Variants in ASGR1 observed in about 807,000 individuals in gnomAD.
ASGR1 encodes the protein C-type lectin domain family 4 member H1.
Under a neutral mutation model 33.1 loss-of-function variants are expected in ASGR1, and 35 were observed. The observed-to-expected ratio is 1.06, with a 90% CI of 0.81 to 1.40. The LOEUF is 1.40. Among genes scored for constraint, ASGR1 ranks in the 40% most tolerant of loss-of-function variants. The pLI, the probability that ASGR1 is intolerant of heterozygous loss-of-function variation, is 0.00. For missense variants in ASGR1, 396 were observed against 373.7 expected (o/e 1.06, Z -0.49); for synonymous variants, 142 against 152.5 (o/e 0.93, Z 0.51).
chr17:7,175,757 ACT>A (rs2069191764), intron 5 of ASGR1, among the ~76,000 whole-genome samples: 1 of 144,072 alleles, frequency 6.9e-6, no homozygotes, highest in African/African-American at 2.7e-5. Context: ...ACCCATCCAC[ACT>A]CCTTCTCATT....
intron 5 of ASGR1, among the ~76,000 whole-genome samples, chr17:7,174,770 A>ACACATACAACACAC (rs2069175783): frequency 1.3e-5 from 2 of 150,762 alleles, no homozygotes; most frequent in African/African-American, 2.4e-5. Flanking sequence ...ACAAAACACA[A>ACACATACAACACAC]CACATACAAC....
chr17:7,175,330 C>A (rs570035492), intron 5 of ASGR1, among the ~76,000 whole-genome samples: 5 of 147,278 alleles, frequency 3.4e-5, no homozygotes, highest in Non-Finnish European at 6.0e-5. Context: ...ACGACACACA[C>A]AACACACCTT....
intron 5 of ASGR1, among the ~76,000 whole-genome samples, chr17:7,175,425 C>A (rs1315947122): frequency 6.7e-6 from 1 of 149,542 alleles, no homozygotes; most frequent in Non-Finnish European, 1.5e-5. Context: ...ACACCCTCAC[C>A]CACATACACA....
chr17:7,174,411 C>T lies in ASGR1; in HGVS notation c.405G>A (p.Arg135=), dbSNP rs1457060488. Residue 135 remains arginine (R), a synonymous_variant, in exon 6 of 9, where the codon CGG becomes CGA. Coordinates refer to ENST00000269299, the MANE Select transcript of ASGR1 (RefSeq NM_001671.5). ...GCGCCGCCATCTGACAGCTCAGGCT[C>T]CGCAGGTCAGACACGAACTGCTTCA... ...LHVKQFVSDL[R]SLSCQMAALQ... is the part of the protein sequence containing the mutation. 7.4e-6 allele frequency: 12 copies of T among 1,613,826 alleles called. No individual in the cohort carries two copies. The highest frequency in any genetic ancestry group is 1.0e-5 in the Non-Finnish European group (12 of 1,179,966).
In ASGR1 at chr17:7,173,775, C is replaced by T. The variant is rs141827249; in HGVS notation, c.760G>A (p.Asp254Asn). ...CCGTCGTCGGTGAAGTGGGCACAGTCCTCGCCTCCTCCGAGCCCGTGGCCG... is the reference window on the plus strand; with the variant it reads ...CCGTCGTCGGTGAAGTGGGCACAGTTCTCGCCTCCTCCGAGCCCGTGGCCG... ...WYGHGLGGGE[D>N]CAHFTDDGRW... The change falls in exon 9 of 9, where the codon GAC becomes AAC. Residue 254 changes from aspartate to asparagine, a missense_variant. Transcript: ENST00000269299. The surrounding 1 kb of genome is among the most constrained non-coding windows in gnomAD (Gnocchi z 4.7). 17 of 1,613,094 alleles carry T rather than the reference C, an allele frequency of 1.1e-5. No homozygotes were observed. The African/African-American group carries it at 1.9e-4, about 18-fold the overall frequency.
rs970027210 is a variant in ASGR1, at chr17:7,173,715, G to C, written c.820C>G (p.Arg274Gly). ...TCCAGCTCTGTCTCGCAGACCCAGCGGTAGGGCCTCTGGCAGACGTCGTCG... is the reference window on the plus strand; with the variant it reads ...TCCAGCTCTGTCTCGCAGACCCAGCCGTAGGGCCTCTGGCAGACGTCGTCG... ...WNDDVCQRPY[R>G]WVCETELDKA... The change falls in exon 9 of 9, where the codon CGC (arginine) becomes GGC (glycine). Residue 274 changes from arginine to glycine, a missense_variant. By Grantham distance (125) the Arg-to-Gly change is moderately radical (BLOSUM62 -2). Transcript: ENST00000269299. The surrounding 1 kb of genome is among the most constrained non-coding windows in gnomAD (Gnocchi z 4.7). 1 of 1,613,900 alleles carries C rather than the reference G, an allele frequency of 6.2e-7. No individual in the cohort carries two copies. Among genetic ancestry groups the C allele is most frequent in the Non-Finnish European group, 8.5e-7 (1 of 1,180,034 alleles).
chr17:7,175,032 C>A lies in ASGR1; in HGVS notation c.356-572G>T, dbSNP rs539535483. Among the ~76,000 whole-genome samples, 5 of 149,636 alleles carry A rather than the reference C, an allele frequency of 3.3e-5. No individual in the cohort carries two copies. In the South Asian group the frequency reaches 1.1e-3, roughly 32 times the overall value. The stretch of plus-strand genomic sequence containing the variant: ...CACATACACACTCACACAACACACA[C>A]AACACACCATACACAACACACCCTC... On this transcript the variant is annotated intron_variant, in intron 5 of 8. Coordinates refer to ENST00000269299, the MANE Select transcript of ASGR1 (RefSeq NM_001671.5).
intron 5 of ASGR1, among the ~76,000 whole-genome samples, chr17:7,176,323 AC>A (rs1460002302): frequency 9.1e-6 from 1 of 109,532 alleles, no homozygotes; most frequent in Non-Finnish European, 1.9e-5. Flanking sequence ...AGACACAAAC[AC>A]CCCTCATTCT....
Position 7,175,203 on chromosome 17 carries a change from C to T in ASGR1, c.356-743G>A, listed in dbSNP as rs1292150337. 2.0e-5 allele frequency among the ~76,000 whole-genome samples: 3 copies of T among 150,980 alleles called. No homozygotes were observed. In the East Asian group the frequency reaches 5.9e-4, roughly 30 times the overall value. ...CATAACACACCTTAACCCACATACA[C>T]ACAACACACCCTTACACACCCACTC... On this transcript the variant is annotated intron_variant, in intron 5 of 8. Coordinates refer to ENST00000269299, the MANE Select transcript of ASGR1 (RefSeq NM_001671.5).
intron 5 of ASGR1, chr17:7,176,626 TC>T (rs1330736876): frequency 3.2e-6 from 2 of 629,990 alleles, no homozygotes; most frequent in African/African-American, 4.1e-5. Flanking sequence ...ACATACACAC[TC>T]CCTCTCATTC....
chr17:7,176,335 C>T (rs1215207707), intron 5 of ASGR1, among the ~76,000 whole-genome samples: 1 of 149,764 alleles, frequency 6.7e-6, no homozygotes, highest in Non-Finnish European at 1.5e-5. Context: ...CCCTCATTCT[C>T]ACACTCTCAC....
In ASGR1 at chr17:7,177,499, G is replaced by A. The variant is rs566671881; in HGVS notation, c.71-173C>T. ...AGGGCCAGAGGCAACTGGAAATCGG[G>A]GAGAAAAGAGGGCTGGGGAAGGGGG... On this transcript the variant is annotated intron_variant, in intron 2 of 8. Coordinates refer to ENST00000269299, the MANE Select transcript of ASGR1 (RefSeq NM_001671.5). 249 of 588,738 alleles carry A rather than the reference G, an allele frequency of 4.2e-4. 3 individuals are homozygous for A. In the South Asian group the frequency reaches 5.1e-3, roughly 12 times the overall value. 36.5% of individuals were successfully genotyped at this position (588,738 alleles called of 1,614,324 possible). A position where few individuals can be genotyped will look rare whatever the true frequency, so the allele number is the denominator to read the frequency against.
intron 5 of ASGR1, among the ~76,000 whole-genome samples, chr17:7,175,514 ATATAC>A (rs2069187556): frequency 6.8e-6 from 1 of 147,242 alleles, no homozygotes; most frequent in African/African-American, 2.7e-5. Flanking sequence ...CACAACACAC[ATATAC>A]TCTTTCACAC....
At chr17:7,176,437 ACT>A (rs149109427) in intron 5 of ASGR1, among the ~76,000 whole-genome samples, 6,855 of 134,112 alleles carry the variant, frequency 0.051, 246 homozygotes, top group African/African-American at 0.13. Flanking sequence ...TCATTCTCAC[ACT>A]CTCACACACA....
At chr17:7,177,377 C>G (rs376752057) in intron 2 of ASGR1, 51 bp from the exon 3 acceptor site, 1 of 1,489,204 alleles carries the variant, frequency 6.7e-7, no homozygotes, top group Non-Finnish European at 9.3e-7. Flanking sequence ...GACCCTGGCA[C>G]AGCTCCAGGG....
At position 7,174,296 on chromosome 17, in the gene ASGR1, G is replaced by A. The variant is rs746546279; in HGVS notation, c.443-7C>T. The stretch of plus-strand genomic sequence containing the variant: ...CAGCAGGTCCTTTCTGAGCCTGAGC[G>A]GGAGAAACGGGGCGCAGGGGCTAAG... On this transcript the variant is annotated splice_region_variant and splice_polypyrimidine_tract_variant and intron_variant, in intron 6 of 8. Transcript: ENST00000269299. The A allele has an allele frequency of 6.2e-7, 1 of 1,613,674 alleles. No homozygotes were observed. The highest frequency in any genetic ancestry group is 1.1e-5 in the South Asian group (1 of 91,052).
intron 5 of ASGR1, chr17:7,176,464 C>T (rs1369105018): frequency 1.1e-5 from 4 of 369,064 alleles, no homozygotes; most frequent in Non-Finnish European, 2.0e-5. Context: ...CTCTCATTCC[C>T]ACAGACTGTC....
In ASGR1 at chr17:7,173,453, C is replaced by CT; in HGVS notation, c.*205dup. 2 of 501,066 alleles carry CT rather than the reference C, an allele frequency of 4.0e-6. No homozygotes were observed. The highest frequency in any genetic ancestry group is 6.4e-6 in the Non-Finnish European group (2 of 311,378). The allele number at this position is 501,066 out of a possible 1,614,324, so 31.0% of individuals were successfully genotyped here. A position where few individuals can be genotyped will look rare whatever the true frequency, so the allele number is the denominator to read the frequency against. On this transcript the variant is annotated 3_prime_UTR_variant, in exon 9 of 9. Coordinates refer to ENST00000269299, the MANE Select transcript of ASGR1 (RefSeq NM_001671.5). The surrounding 1 kb of genome is among the most constrained non-coding windows in gnomAD (Gnocchi z 4.7). Reference sequence around the variant, plus strand: ...AGGTTTAGGTATATTTCTTTTTACTCTTAAAAAAAAAAAGTTCACAATGAT... The same window carrying CT: ...AGGTTTAGGTATATTTCTTTTTACTCTTTAAAAAAAAAAAGTTCACAATGAT...
In ASGR1 at chr17:7,173,935, C is replaced by G. The variant is rs764872797; in HGVS notation, c.701+26G>C. 4 of 1,613,692 alleles carry G rather than the reference C, an allele frequency of 2.5e-6. No homozygotes were observed. In the Admixed American group the frequency reaches 6.7e-5, roughly 27 times the overall value. ...CCCAGGGCGCGAAGGCGGCCGGACC[C>G]AGGCCGAGGGAGGGCGCGCACTCAC... On this transcript the variant is annotated intron_variant, in intron 8 of 8. Transcript: ENST00000269299. This position sits in a 1 kb window ranked among gnomAD's most constrained non-coding sequence, Gnocchi z 4.7.
Sources: gnomAD v4.1 joint callset for allele counts (sites outside exome capture counted in the v4.1 genomes callset) on GRCh38, gnomAD v4.1.1 for gene constraint, Gnocchi (gnomAD v3.1) non-coding constraint, MANE v1.5 for transcripts, NCBI Gene and HGNC (gene_info 2026-07-23, HGNC 2026-07-21) for gene names.